FMNL2: variants seen among roughly 807,000 people sequenced by gnomAD.
The protein encoded by FMNL2 is formin-like protein 2.
In FMNL2, 51 loss-of-function variants were observed where a neutral mutation model predicts 130.2. The observed-to-expected ratio is 0.39, with a 90% CI of 0.31 to 0.49. FMNL2 has a LOEUF of 0.49. FMNL2 is among the 20% of genes least tolerant of loss of function. The pLI is 0.85. For missense variants in FMNL2, 977 were observed against 1,316.2 expected, an observed-to-expected ratio of 0.74 and a Z score of 3.99; for synonymous variants, 465 against 467.1, an observed-to-expected ratio of 1.00 and a Z score of 0.06.
intron 1 of FMNL2, among the ~76,000 whole-genome samples, chr2:152,398,815 A>G (rs1410948262): frequency 6.6e-6 from 1 of 152,250 alleles, no homozygotes; most frequent in African/African-American, 2.4e-5. Flanking sequence ...GATACATGTA[A>G]TACAAGGCAT....
At chr2:152,603,654 G>T (rs1385930468) in intron 9 of FMNL2, among the ~76,000 whole-genome samples, 1 of 150,796 alleles carries the variant, frequency 6.6e-6, no homozygotes, top group South Asian at 2.2e-4. Context: ...TGAGTAGTTT[G>T]TTGCCGTCCA....
At chr2:152,459,455 A>G (rs920514565) in intron 1 of FMNL2, among the ~76,000 whole-genome samples, 6 of 152,182 alleles carry the variant, frequency 3.9e-5, no homozygotes, top group Non-Finnish European at 7.4e-5. Flanking sequence ...TACAAAATTG[A>G]TTTTGCCTTT....
intron 5 of FMNL2, 112 bp from the exon 6 acceptor site, chr2:152,560,771 A>T: frequency 4.2e-6 from 4 of 954,676 alleles, no homozygotes; most frequent in Non-Finnish European, 5.8e-6. Context: ...GTTTACAAAG[A>T]CTTTCCATAC....
intron 1 of FMNL2, among the ~76,000 whole-genome samples, chr2:152,349,764 A>G (rs1405978677): frequency 6.6e-6 from 1 of 151,134 alleles, no homozygotes; most frequent in Non-Finnish European, 1.5e-5. Context: ...CTGAGTGTTC[A>G]GAAAATGTTT....
At chr2:152,436,012 A>G (rs550327611) in intron 1 of FMNL2, among the ~76,000 whole-genome samples, 2 of 150,286 alleles carry the variant, frequency 1.3e-5, no homozygotes, top group Non-Finnish European at 2.9e-5. Flanking sequence ...TATACATAAA[A>G]CATTGTTTAT....
intron 2 of FMNL2, 66 bp from the exon 3 acceptor site, chr2:152,542,673 T>A: frequency 6.5e-7 from 1 of 1,536,868 alleles, no homozygotes; most frequent in Non-Finnish European, 9.0e-7. Flanking sequence ...GGTAACATAA[T>A]CTGATGTGGC....
At chr2:152,633,780 A>G (rs989932874) in intron 21 of FMNL2, among the ~76,000 whole-genome samples, 13 of 152,198 alleles carry the variant, frequency 8.5e-5, no homozygotes, top group African/African-American at 2.4e-5. Context: ...TACCTGACCA[A>G]TGGGTACTAA....
chr2:152,566,619 T>C (rs1051507447), intron 6 of FMNL2, among the ~76,000 whole-genome samples: 1 of 152,158 alleles, frequency 6.6e-6, no homozygotes, highest in Non-Finnish European at 1.5e-5. Flanking sequence ...TTGTAAAGGG[T>C]GCCTTGCCAA....
chr2:152,412,754 C>T (rs1405565107), intron 1 of FMNL2, among the ~76,000 whole-genome samples: 1 of 151,734 alleles, frequency 6.6e-6, no homozygotes, highest in Admixed American at 6.6e-5. Context: ...CTGCAGTGAG[C>T]CATGATTGTG....
chr2:152,454,009 A>T (rs1348413386), intron 1 of FMNL2, among the ~76,000 whole-genome samples: 1 of 152,232 alleles, frequency 6.6e-6, no homozygotes. Context: ...GCAGTAGCTC[A>T]CGCCTATAAC....
chr2:152,416,805 A>G (rs4528717), intron 1 of FMNL2, among the ~76,000 whole-genome samples: 47,606 of 152,118 alleles, frequency 0.31, 7,868 homozygotes, highest in Middle Eastern at 0.45. Flanking sequence ...GAAAATGTGG[A>G]TCAAGTAGGC....
intron 2 of FMNL2, among the ~76,000 whole-genome samples, chr2:152,527,567 C>G (rs1253226935): frequency 6.6e-6 from 1 of 152,038 alleles, no homozygotes; most frequent in African/African-American, 2.4e-5. Flanking sequence ...AATTTTTCCC[C>G]TCAATTGCCA....
chr2:152,435,783 G>A (rs1352657939), intron 1 of FMNL2, among the ~76,000 whole-genome samples: 1 of 152,162 alleles, frequency 6.6e-6, no homozygotes, highest in East Asian at 1.9e-4. Flanking sequence ...TGCTAATTAT[G>A]TTCTCAGCGA....
At chr2:152,611,790 C>T (rs943702600) in intron 11 of FMNL2, among the ~76,000 whole-genome samples, 185 bp downstream of exon 11, 1 of 152,246 alleles carries the variant, frequency 6.6e-6, no homozygotes, top group Admixed American at 6.5e-5. Flanking sequence ...TCTTGCAGGG[C>T]TCCTGGGATC....
chr2:152,578,695 C>T (rs1696611400), intron 7 of FMNL2, 193 bp from the exon 8 acceptor site: 2 of 422,272 alleles, frequency 4.7e-6, no homozygotes, highest in Non-Finnish European at 8.5e-6. Flanking sequence ...CAAATCATTG[C>T]ATCTGGCATT....
In FMNL2 at chr2:152,467,468, C is replaced by T. The variant is rs1050675194; in HGVS notation, c.118-54475C>T. On this transcript the variant is annotated intron_variant, in intron 1 of 25. Transcript: ENST00000288670. ...CTCTCCTGCCTCCTGCTTCTTCCCT[C>T]GGCCCCTGTTTCCTACAAATCGAAG... 2.0e-4 allele frequency among the ~76,000 whole-genome samples: 30 copies of T among 152,318 alleles called. 1 individual carries two copies. Among genetic ancestry groups the T allele is most frequent in the African/African-American group, 6.5e-4 (27 of 41,570 alleles).
intron 1 of FMNL2, among the ~76,000 whole-genome samples, chr2:152,432,595 C>T (rs544571283): frequency 1.7e-4 from 26 of 152,296 alleles, no homozygotes; most frequent in African/African-American, 6.0e-4. Flanking sequence ...TGACCTTTAG[C>T]CTGGAGAAAG....
intron 1 of FMNL2, among the ~76,000 whole-genome samples, chr2:152,482,699 T>C (rs1690595435): frequency 6.6e-6 from 1 of 152,222 alleles, no homozygotes; most frequent in South Asian, 2.1e-4. Flanking sequence ...ACCTATCTCA[T>C]AGGGCAGTAG....
chr2:152,620,591 T>A (rs1699200516), intron 15 of FMNL2, among the ~76,000 whole-genome samples: 1 of 152,168 alleles, frequency 6.6e-6, no homozygotes. Flanking sequence ...GTCTCTTATT[T>A]ACAATAAAGA....
Sources: allele counts gnomAD v4.1 joint callset (sites outside exome capture counted in the v4.1 genomes callset), GRCh38; gene constraint gnomAD v4.1.1; transcripts MANE v1.5; gene names NCBI Gene and HGNC (gene_info 2026-07-23, HGNC 2026-07-21).